Variants in CEP85L observed in about 807,000 individuals in gnomAD.
The protein encoded by CEP85L is centrosomal protein of 85 kDa-like.
Under a neutral mutation model 100.3 loss-of-function variants are expected in CEP85L, and 60 were observed. The ratio of observed to expected loss-of-function variants is 0.60; its 90% CI spans 0.49 to 0.74. The LOEUF (loss-of-function observed/expected upper bound fraction) is 0.74. Among genes scored for constraint, CEP85L ranks in the 30% least tolerant of loss-of-function variants. The probability of loss-of-function intolerance (pLI) is 0.00; values close to 1 mark genes in which losing one functional copy is unlikely to be tolerated. For missense variants in CEP85L, 973 were observed against 936.2 expected, an observed-to-expected ratio of 1.04 and a Z score of -0.51; for synonymous variants, 319 against 322.7, an observed-to-expected ratio of 0.99 and a Z score of 0.12.
At chr6:118,589,599 T>A (rs561093408) in intron 2 of CEP85L, 49 of 269,074 alleles carry the variant, frequency 1.8e-4, no homozygotes, top group Non-Finnish European at 3.2e-4. Context: ...ATCTAGTGAT[T>A]TATGAAGAGA....
upstream of CEP85L, among the ~76,000 whole-genome samples, chr6:118,656,576 C>G (rs1775797617): frequency 6.6e-6 from 1 of 152,216 alleles, no homozygotes; most frequent in Non-Finnish European, 1.5e-5. Context: ...AGTTGGCTGA[C>G]AGCCTCCAAC....
chr6:118,604,627 TTG>T (rs1772057261), intron 2 of CEP85L, among the ~76,000 whole-genome samples: 1 of 152,244 alleles, frequency 6.6e-6, no homozygotes, highest in South Asian at 2.1e-4. Context: ...GCAATTTTAA[TTG>T]TGTTACTAGG....
At chr6:118,644,446 C>T (rs767017687) in intron 1 of CEP85L, among the ~76,000 whole-genome samples, 12 of 151,676 alleles carry the variant, frequency 7.9e-5, no homozygotes, top group Non-Finnish European at 1.6e-4. Flanking sequence ...TATCTCTCAC[C>T]CAGCAACCTC....
At chr6:118,538,275 T>G (rs763872295) in intron 3 of CEP85L, among the ~76,000 whole-genome samples, 1 of 152,008 alleles carries the variant, frequency 6.6e-6, no homozygotes, top group Non-Finnish European at 1.5e-5. Context: ...TTCAATGTGT[T>G]TTTGTTACTA....
chr6:118,605,675 T>C (rs1217640435), intron 2 of CEP85L, among the ~76,000 whole-genome samples: 1 of 152,130 alleles, frequency 6.6e-6, no homozygotes, highest in Non-Finnish European at 1.5e-5. Flanking sequence ...CAAGGGGTCT[T>C]AGGCTACCAG....
At chr6:118,647,386 A>G (rs1461710978) in intron 1 of CEP85L, among the ~76,000 whole-genome samples, 1 of 152,208 alleles carries the variant, frequency 6.6e-6, no homozygotes, top group Non-Finnish European at 1.5e-5. Context: ...AAAGAGACAG[A>G]GCCTCACTCT....
At chr6:118,556,664 A>G (rs368123977) in intron 3 of CEP85L, among the ~76,000 whole-genome samples, 2 of 152,224 alleles carry the variant, frequency 1.3e-5, no homozygotes, top group East Asian at 3.8e-4. Context: ...AGGAGAAAAT[A>G]AAATCTGACA....
chr6:118,614,608 C>T lies in CEP85L; in HGVS notation c.232+17845G>A, dbSNP rs553254962. ...CCTGTAATCCCAGCACTTTGGGAGG[C>T]TGAGGCAGGTGGATCACCTGAGGTC... is the stretch of plus-strand genomic sequence containing the variant. On this transcript the variant is annotated intron_variant, in intron 2 of 12. Transcript: ENST00000368491. Among the ~76,000 whole-genome samples the T allele has an allele frequency of 3.9e-5, 6 of 152,314 alleles. No homozygotes were observed. The East Asian group carries it at 5.8e-4, about 15-fold the overall frequency.
At chr6:118,502,446 G>C (rs1775367262) in intron 5 of CEP85L, 1 of 530,594 alleles carries the variant, frequency 1.9e-6, no homozygotes. Context: ...GATATCACCT[G>C]ACGATGAAGG....
At chr6:118,516,559 G>A (rs1336832050) in intron 4 of CEP85L, among the ~76,000 whole-genome samples, 1 of 152,162 alleles carries the variant, frequency 6.6e-6, no homozygotes, top group Non-Finnish European at 1.5e-5. Context: ...CATTTGAGAA[G>A]TGCCTGTTCA....
intron 2 of CEP85L, among the ~76,000 whole-genome samples, chr6:118,612,673 A>AGC (rs1772714304): frequency 1.5e-4 from 1 of 6,750 alleles, no homozygotes. Context: ...AAAAAAAAAA[A>AGC]AGCGGGGGGG....
chr6:118,470,456 A>C (rs924384516), intron 11 of CEP85L, 81 bp downstream of exon 11: 1 of 680,432 alleles, frequency 1.5e-6, no homozygotes. Context: ...TTTAATCTGA[A>C]AATGCTCTAT....
chr6:118,631,808 G>A (rs563689975), intron 2 of CEP85L, among the ~76,000 whole-genome samples: 65 of 152,268 alleles, frequency 4.3e-4, no homozygotes, highest in Admixed American at 6.5e-4. Context: ...AAGGAGAGGG[G>A]GCAGAGAGAG....
intron 2 of CEP85L, among the ~76,000 whole-genome samples, chr6:118,567,205 ATGTATGTGTGTG>A (rs1318411550): frequency 2.2e-4 from 17 of 77,264 alleles, no homozygotes; most frequent in African/African-American, 4.3e-4. Context: ...ATGAATATAT[ATGTATGTGTGTG>A]TGTGTGTGTG....
At chr6:118,529,668 C>A (rs1290408008) in intron 3 of CEP85L, among the ~76,000 whole-genome samples, 1 of 146,372 alleles carries the variant, frequency 6.8e-6, no homozygotes, top group East Asian at 2.1e-4. Context: ...TATTAAGTTT[C>A]AAGTATTATG....
At chr6:118,511,201 ATTAAG>A (rs891700993) in intron 5 of CEP85L, 92 bp downstream of exon 5, 1 of 775,238 alleles carries the variant, frequency 1.3e-6, no homozygotes, top group Admixed American at 2.1e-5. Flanking sequence ...TGAATACATT[ATTAAG>A]TTGATTTAAA....
chr6:118,636,845 G>A (rs1220984512), intron 1 of CEP85L, among the ~76,000 whole-genome samples: 1 of 152,094 alleles, frequency 6.6e-6, no homozygotes, highest in African/African-American at 2.4e-5. Context: ...TCTCCAGCTT[G>A]CCAAATCACC....
At chr6:118,648,300 T>C (rs1775332635) in intron 1 of CEP85L, among the ~76,000 whole-genome samples, 1 of 152,140 alleles carries the variant, frequency 6.6e-6, no homozygotes, top group African/African-American at 2.4e-5. Flanking sequence ...TTTATAACAG[T>C]TACTCCAAAA....
At chr6:118,644,987 C>T (rs1562334797) in intron 1 of CEP85L, among the ~76,000 whole-genome samples, 1 of 152,196 alleles carries the variant, frequency 6.6e-6, no homozygotes, top group Non-Finnish European at 1.5e-5. Context: ...ACTCAATGTG[C>T]TCAGGAGTGA....
Sources: gnomAD v4.1 joint callset for allele counts (sites outside exome capture counted in the v4.1 genomes callset) on GRCh38, gnomAD v4.1.1 for gene constraint, MANE v1.5 for transcripts, NCBI Gene and HGNC (gene_info 2026-07-23, HGNC 2026-07-21) for gene names.